Variants in SLIT2 observed in about 807,000 individuals in gnomAD.
SLIT2 encodes the protein slit homolog 2 protein.
Under a neutral mutation model 185.7 loss-of-function variants are expected in SLIT2, and 41 were observed. That is an observed-to-expected ratio of 0.22 (90% CI 0.17 to 0.29). The LOEUF (loss-of-function observed/expected upper bound fraction) is 0.29, where lower values mean the gene tolerates loss of function less well. Ranked by LOEUF, SLIT2 falls within the 10% of genes least tolerant of loss-of-function variation. SLIT2 has a pLI of 1.00. For synonymous variants in SLIT2, 693 were observed against 680.2 expected (o/e 1.02, Z -0.29); for missense variants, 1,571 against 1,909.0 (o/e 0.82, Z 3.30).
chr4:20,351,425 A>G (rs1028343859), intron 4 of SLIT2, among the ~76,000 whole-genome samples: 10 of 152,166 alleles, frequency 6.6e-5, no homozygotes, highest in Admixed American at 3.9e-4. Context: ...ATATTAGGAC[A>G]TAGAAAGTAA....
At chr4:20,573,109 C>G in intron 29 of SLIT2, 1 of 680,714 alleles carries the variant, frequency 1.5e-6, no homozygotes, top group Non-Finnish European at 2.7e-6. Flanking sequence ...AAATCCAAGC[C>G]TTGCTTCAGC....
At chr4:20,458,823 AT>A in intron 4 of SLIT2, among the ~76,000 whole-genome samples, 1 of 152,356 alleles carries the variant, frequency 6.6e-6, no homozygotes, top group African/African-American at 2.4e-5. Context: ...CATCTCCAAA[AT>A]AAAAATAGGA....
chr4:20,415,727 T>C (rs1417712922), intron 4 of SLIT2, among the ~76,000 whole-genome samples: 4 of 152,218 alleles, frequency 2.6e-5, no homozygotes, highest in African/African-American at 9.6e-5. Context: ...GTCAGTGCAC[T>C]CTTTCCAGAG....
intron 11 of SLIT2, among the ~76,000 whole-genome samples, chr4:20,515,448 T>G (rs1720111416): frequency 6.6e-6 from 1 of 152,194 alleles, no homozygotes; most frequent in Non-Finnish European, 1.5e-5. Context: ...CTTATTTCCT[T>G]AACTAGCTCC....
intron 34 of SLIT2, chr4:20,615,911 C>T (rs113512195): frequency 2.0e-5 from 3 of 152,422 alleles, no homozygotes; most frequent in Non-Finnish European, 2.9e-5. Context: ...ACTCTGAAAG[C>T]TTCCAGCACC....
chr4:20,293,844 G>T (rs1215428383), intron 4 of SLIT2, among the ~76,000 whole-genome samples: 1 of 152,144 alleles, frequency 6.6e-6, no homozygotes, highest in African/African-American at 2.4e-5. Context: ...GTGGCTCAGG[G>T]ATGTGGGCTT....
At chr4:20,570,731 GTATATATATATATA>G (rs55841917) in intron 29 of SLIT2, among the ~76,000 whole-genome samples, 5 of 125,568 alleles carry the variant, frequency 4.0e-5, no homozygotes, top group African/African-American at 1.2e-4. Flanking sequence ...ATATATATAT[GTATATATATATATA>G]TATATATATA....
intron 4 of SLIT2, among the ~76,000 whole-genome samples, chr4:20,411,353 G>A (rs1485034442): frequency 6.6e-6 from 1 of 152,098 alleles, no homozygotes; most frequent in Non-Finnish European, 1.5e-5. Context: ...TATCATAAGA[G>A]AGGTCCACTT....
intron 4 of SLIT2, among the ~76,000 whole-genome samples, chr4:20,376,844 C>T (rs773813563): frequency 9.3e-5 from 14 of 150,736 alleles, no homozygotes; most frequent in Non-Finnish European, 1.8e-4. Context: ...GGACACAGGG[C>T]GGGGAACATC....
chr4:20,409,832 T>G (rs1000376080), intron 4 of SLIT2, among the ~76,000 whole-genome samples: 5 of 152,104 alleles, frequency 3.3e-5, no homozygotes, highest in African/African-American at 1.2e-4. Flanking sequence ...TGACGTTGGA[T>G]TTTTTTTCAT....
intron 4 of SLIT2, among the ~76,000 whole-genome samples, chr4:20,323,892 A>T (rs10938795): frequency 0.57 from 86,925 of 152,114 alleles, 25,372 homozygotes; most frequent in African/African-American, 0.65. Flanking sequence ...TTGTACTTAC[A>T]AAATTATTTG....
chr4:20,601,573 G>T lies in SLIT2; in HGVS notation c.3692+3178G>T, dbSNP rs542345947. On this transcript the variant is annotated intron_variant, in intron 33 of 36. Transcript: ENST00000504154. ...CTCTCCTTTCCTTTACCTTCAATTT[G>T]CAGTTTTACATAACTCTTAGCTCTG... Among the ~76,000 whole-genome samples the T allele has an allele frequency of 2.0e-5, 3 of 152,136 alleles. 1 individual carries two copies. The South Asian group carries it at 6.2e-4, about 32-fold the overall frequency.
At position 20,472,485 on chromosome 4, in the gene SLIT2, T is replaced by TATATATATATAGATATATCTATATAG. The variant is rs1715458293; in HGVS notation, c.467+4669_467+4670insTATAGATATATCTATATAGATATATA. Among the ~76,000 whole-genome samples the TATATATATATAGATATATCTATATAG allele has an allele frequency of 5.0e-4, 11 of 22,104 alleles. 2 individuals carry two copies. Among genetic ancestry groups the TATATATATATAGATATATCTATATAG allele is most frequent in the South Asian group, 2.0e-3 (1 of 490 alleles). The allele number at this position is 22,104 out of a possible 152,430, so 14.5% of individuals were successfully genotyped here. A position where few individuals can be genotyped will look rare whatever the true frequency, so the allele number is the denominator to read the frequency against. On this transcript the variant is annotated intron_variant, in intron 5 of 36. Coordinates refer to ENST00000504154, the MANE Select transcript of SLIT2 (RefSeq NM_004787.4). ...CTATATCTATATATAGATATATATC[T>TATATATATATAGATATATCTATATAG]ATATATAGATATATATCTATATATA...
At position 20,264,485 on chromosome 4, in the gene SLIT2, C is replaced by T. The variant is rs192712978; in HGVS notation, c.324-4325C>T. 1.6e-4 allele frequency among the ~76,000 whole-genome samples: 24 copies of T among 151,880 alleles called. No individual in the cohort carries two copies. In the East Asian group the frequency reaches 3.7e-3, roughly 23 times the overall value. On this transcript the variant is annotated intron_variant, in intron 3 of 36. Coordinates refer to ENST00000504154, the MANE Select transcript of SLIT2 (RefSeq NM_004787.4). ...CTTTGGTAAAACTGTTTTCATATTA[C>T]GTTTTGAATTAGATGGAAGGTTGTG...
chr4:20,325,220 C>G (rs892323636), intron 4 of SLIT2, among the ~76,000 whole-genome samples: 1 of 151,790 alleles, frequency 6.6e-6, no homozygotes, highest in African/African-American at 2.4e-5. Flanking sequence ...AAACTGCTCT[C>G]AAGTTGATCT....
intron 4 of SLIT2, among the ~76,000 whole-genome samples, chr4:20,274,742 GT>G (rs35101905): frequency 0.034 from 4,904 of 144,578 alleles, 194 homozygotes; most frequent in East Asian, 0.13. Context: ...AAGTTTCTGT[GT>G]TTTTTTTTTT....
chr4:20,472,292 A>ATATC (rs1560452881), intron 5 of SLIT2, among the ~76,000 whole-genome samples: 3 of 31,122 alleles, frequency 9.6e-5, no homozygotes, highest in Non-Finnish European at 1.4e-4. Flanking sequence ...ATATAGATAT[A>ATATC]TAGATATATA....
At chr4:20,266,235 A>C (rs1269497486) in intron 3 of SLIT2, among the ~76,000 whole-genome samples, 2 of 152,014 alleles carry the variant, frequency 1.3e-5, no homozygotes, top group East Asian at 3.9e-4. Context: ...TTCTCACAAT[A>C]TATGAAACTA....
chr4:20,561,927 C>T (rs1404646617), intron 26 of SLIT2, among the ~76,000 whole-genome samples: 1 of 151,796 alleles, frequency 6.6e-6, no homozygotes, highest in Non-Finnish European at 1.5e-5. Context: ...TGTTTTACAT[C>T]CATATTCTCT....
Sources: gnomAD v4.1 joint callset for allele counts (sites outside exome capture counted in the v4.1 genomes callset) on GRCh38, gnomAD v4.1.1 for gene constraint, MANE v1.5 for transcripts, NCBI Gene and HGNC (gene_info 2026-07-23, HGNC 2026-07-21) for gene names.